The following COPA variants were observed in gnomAD, a reference collection of about 807,000 sequenced individuals.
COPA encodes coat protein complex I subunit alpha.
In COPA, 10 loss-of-function variants were observed where a neutral mutation model predicts 158.7. That is an observed-to-expected ratio of 0.06 (90% confidence interval 0.04 to 0.11). COPA has a LOEUF of 0.11. COPA is among the 10% of genes least tolerant of loss of function. The pLI is 1.00. For synonymous variants in COPA, 462 were observed against 542.8 expected (o/e 0.85, Z 2.07); for missense variants, 1,065 against 1,536.7 (o/e 0.69, Z 5.13).
intron 21 of COPA, among the ~76,000 whole-genome samples, chr1:160,296,771 C>T (rs1475058070): frequency 6.6e-6 from 1 of 152,196 alleles, no homozygotes; most frequent in East Asian, 1.9e-4. Flanking sequence ...TGCTGAGAAC[C>T]TTGGATATCC....
In COPA at chr1:160,307,020, G is replaced by T. The variant is rs141876651; in HGVS notation, c.1302+143C>A. 71 of 792,530 alleles carry T rather than the reference G, an allele frequency of 9.0e-5. No homozygotes were observed. In the African/African-American group the frequency reaches 1.1e-3, roughly 12 times the overall value. 49.1% of individuals were successfully genotyped at this position (792,530 alleles called of 1,614,324 possible). A position where few individuals can be genotyped will look rare whatever the true frequency, so the allele number is the denominator to read the frequency against. ...ATTCCCCCAAGAGGGCTTAGTGTAG[G>T]GCTAGAGACAGAGGTACAGCCAATA... On this transcript the variant is annotated intron_variant, in intron 14 of 32. Coordinates refer to ENST00000241704, the MANE Select transcript of COPA (RefSeq NM_004371.4).
At chr1:160,308,653 G>T (rs1245215994) in intron 13 of COPA, among the ~76,000 whole-genome samples, 1 of 152,208 alleles carries the variant, frequency 6.6e-6, no homozygotes, top group South Asian at 2.1e-4. Context: ...GATCCCAGGT[G>T]GGGTGTGGGG....
chr1:160,312,624 G>A (rs1409924161), intron 10 of COPA, among the ~76,000 whole-genome samples: 1 of 152,232 alleles, frequency 6.6e-6, no homozygotes, highest in South Asian at 2.1e-4. Flanking sequence ...AAAATCTTAA[G>A]TTCTAACCAT....
chr1:160,292,256 T>C, intron 28 of COPA, 58 bp from the exon 29 acceptor site: 1 of 1,577,626 alleles, frequency 6.3e-7, no homozygotes, highest in African/African-American at 1.4e-5. Flanking sequence ...AGGACCCAAT[T>C]TCCTTTTCTG....
At chr1:160,341,797 C>T (rs1294186153) in intron 1 of COPA, among the ~76,000 whole-genome samples, 1 of 151,794 alleles carries the variant, frequency 6.6e-6, no homozygotes, top group East Asian at 1.9e-4. Flanking sequence ...TCTAAATTGT[C>T]TATTTTTCCA....
At chr1:160,337,363 T>C (rs772632484) in intron 3 of COPA, among the ~76,000 whole-genome samples, 85 of 152,244 alleles carry the variant, frequency 5.6e-4, no homozygotes, top group Non-Finnish European at 1.0e-3. Context: ...ATGACTTTTC[T>C]AGATAATCCC....
chr1:160,308,909 G>T, intron 13 of COPA, 192 bp downstream of exon 13: 1 of 533,758 alleles, frequency 1.9e-6, no homozygotes, highest in Admixed American at 3.5e-5. Context: ...TCTAGCTGGG[G>T]TAATAAAATG....
intron 8 of COPA, chr1:160,317,417 C>T: frequency 6.2e-7 from 1 of 1,608,176 alleles, no homozygotes; most frequent in South Asian, 1.1e-5. Context: ...GACCAGGAGG[C>T]AAAACCTTCA....
intron 7 of COPA, 116 bp from the exon 8 acceptor site, chr1:160,323,646 T>C: frequency 1.5e-6 from 1 of 658,374 alleles, no homozygotes; most frequent in Non-Finnish European, 2.3e-6. Context: ...TGTGAACAGA[T>C]TCAAGAGACT....
In COPA at chr1:160,293,103, G is replaced by A. The variant is rs879146777; in HGVS notation, c.2823+63C>T. On this transcript the variant is annotated intron_variant, in intron 27 of 32. Coordinates refer to ENST00000241704, the MANE Select transcript of COPA (RefSeq NM_004371.4). ...GGATAATTTCCCTTGATTAAAATGA[G>A]TCAACCATCTCCCGGGGACCCTGGG... The A allele has an allele frequency of 4.6e-5, 69 of 1,502,162 alleles. No individual in the cohort carries two copies. The South Asian group carries it at 7.6e-4, about 17-fold the overall frequency. 93.1% of individuals were successfully genotyped at this position (1,502,162 alleles called of 1,614,324 possible). A position where few individuals can be genotyped will look rare whatever the true frequency, so the allele number is the denominator to read the frequency against.
chr1:160,341,692 C>T lies in COPA; in HGVS notation c.41-1398G>A, dbSNP rs543675851. On this transcript the variant is annotated intron_variant, in intron 1 of 32. Transcript: ENST00000241704. ...TTTTATAAATCTAAGACCCTCCCCC[C>T]AAAAAAGTAACTTAACTTTTTTTTT... Among the ~76,000 whole-genome samples the T allele has an allele frequency of 5.6e-4, 85 of 152,226 alleles. 1 individual carries two copies. The highest frequency in any genetic ancestry group is 6.8e-3 in the Middle Eastern group (2 of 294).
chr1:160,290,290 C>T, intron 32 of COPA, 74 bp from the exon 33 acceptor site: 2 of 1,539,814 alleles, frequency 1.3e-6, no homozygotes, highest in Non-Finnish European at 1.8e-6. Flanking sequence ...ATTCCCTATA[C>T]CCCTCAATGG....
chr1:160,315,537 A>G (rs545417397), intron 8 of COPA, among the ~76,000 whole-genome samples: 1 of 152,364 alleles, frequency 6.6e-6, no homozygotes, highest in East Asian at 1.9e-4. Flanking sequence ...AGGACAGACA[A>G]TGCTCTGGTC....
chr1:160,333,073 G>A (rs982043533), intron 5 of COPA, among the ~76,000 whole-genome samples: 2 of 152,142 alleles, frequency 1.3e-5, no homozygotes, highest in Admixed American at 6.5e-5. Flanking sequence ...ATAGGCACAC[G>A]CCACCGCGTC....
chr1:160,342,457 C>T (rs967059183), intron 1 of COPA, among the ~76,000 whole-genome samples: 4 of 152,064 alleles, frequency 2.6e-5, no homozygotes, highest in Non-Finnish European at 5.9e-5. Context: ...CCGTACTTAG[C>T]AAATAAAAAT....
intron 8 of COPA, chr1:160,317,455 G>A: frequency 6.2e-7 from 1 of 1,609,132 alleles, no homozygotes; most frequent in Non-Finnish European, 8.5e-7. Flanking sequence ...TAAGAAGGAA[G>A]GTGAATATAT....
At chr1:160,296,266 A>G in intron 21 of COPA, 117 bp from the exon 22 acceptor site, 1 of 771,732 alleles carries the variant, frequency 1.3e-6, no homozygotes, top group Non-Finnish European at 2.2e-6. Context: ...AAGTTGTTGC[A>G]AAATACCCAC....
rs1658350169 is a variant in COPA at position 160,294,857 on chromosome 1, CCT to C, written c.2477-2_2477-1del. On this transcript the variant is annotated splice_acceptor_variant, in intron 23 of 32. Transcript: ENST00000241704. LOFTEE classifies it high-confidence loss of function. Reference sequence around the variant, plus strand: ...GTCAGCAGCCAGTGCTCCTCCCTTCCCTACAGAGGGAAGGAACAGAACGGAAC... The same window carrying C: ...GTCAGCAGCCAGTGCTCCTCCCTTCCACAGAGGGAAGGAACAGAACGGAAC... 6 of 1,613,746 alleles carry C rather than the reference CCT, an allele frequency of 3.7e-6. No individual in the cohort carries two copies. The highest frequency in any genetic ancestry group is 5.1e-6 in the Non-Finnish European group (6 of 1,179,786).
At chr1:160,294,449 G>A (rs369963288) in intron 25 of COPA, 35 bp downstream of exon 25, 31 of 1,582,294 alleles carry the variant, frequency 2.0e-5, no homozygotes, top group South Asian at 2.2e-5. Flanking sequence ...AGGGAGATAC[G>A]GAGAGAACCT....
Sources: gnomAD v4.1 joint callset for allele counts (sites outside exome capture counted in the v4.1 genomes callset) on GRCh38, gnomAD v4.1.1 for gene constraint, MANE v1.5 for transcripts, NCBI Gene and HGNC (gene_info 2026-07-23, HGNC 2026-07-21) for gene names.